RPAP1: variants seen among roughly 807,000 people sequenced by gnomAD.
RPAP1 encodes RNA polymerase II-associated protein 1.
Under a neutral mutation model 142.4 loss-of-function variants are expected in RPAP1, and 109 were observed. The observed-to-expected ratio is 0.77, with a 90% confidence interval of 0.66 to 0.90. The LOEUF is 0.90. Ranked by LOEUF, RPAP1 falls within the 40% of genes least tolerant of loss-of-function variation. The probability of loss-of-function intolerance (pLI) is 0.00; values close to 1 mark genes in which losing one functional copy is unlikely to be tolerated. For synonymous variants in RPAP1, 704 were observed against 738.9 expected (o/e 0.95, Z 0.77); for missense variants, 1,546 against 1,751.7 (o/e 0.88, Z 2.10).
At chr15:41,536,453 C>T (rs772781230) in intron 3 of RPAP1, 48 bp downstream of exon 3, 2 of 1,604,756 alleles carry the variant, frequency 1.2e-6, no homozygotes, top group Non-Finnish European at 1.7e-6. Context: ...ATCCAATATC[C>T]CTGTTGCCCT....
chr15:41,541,519 G>C (rs2051972036), intron 1 of RPAP1, among the ~76,000 whole-genome samples: 1 of 151,990 alleles, frequency 6.6e-6, no homozygotes, highest in Non-Finnish European at 1.5e-5. Flanking sequence ...ATGAGATGGA[G>C]AGGTAGACAA....
At chr15:41,519,428 C>A (rs1274312279) in intron 22 of RPAP1, among the ~76,000 whole-genome samples, 1 of 151,820 alleles carries the variant, frequency 6.6e-6, no homozygotes, top group Non-Finnish European at 1.5e-5. Context: ...CCAGGCTGGT[C>A]TCAAACTCTT....
intron 6 of RPAP1, 51 bp from the exon 7 acceptor site, chr15:41,531,253 C>A: frequency 6.5e-7 from 1 of 1,543,214 alleles, no homozygotes; most frequent in Non-Finnish European, 8.9e-7. Flanking sequence ...CCTCCCTGGC[C>A]TCCTACAGAC....
intron 21 of RPAP1, 103 bp from the exon 22 acceptor site, chr15:41,521,250 T>C: frequency 1.7e-6 from 2 of 1,151,628 alleles, no homozygotes; most frequent in Non-Finnish European, 2.4e-6. Flanking sequence ...TCCAGACCTG[T>C]GCCTCTCTGC....
Position 41,536,055 on chromosome 15 carries a change from C to A in RPAP1, c.420+74G>T. 5.4e-6 allele frequency: 6 copies of A among 1,103,670 alleles called. No individual in the cohort carries two copies. In the South Asian group the frequency reaches 7.9e-5, roughly 15 times the overall value. 68.4% of individuals were successfully genotyped at this position (1,103,670 alleles called of 1,614,324 possible). Reference sequence around the variant, plus strand: ...AAATTGCTTATCATCATTAAAACTACCTGCCTGGAGAAGATGCACTATGAG... The same window carrying A: ...AAATTGCTTATCATCATTAAAACTAACTGCCTGGAGAAGATGCACTATGAG... On this transcript the variant is annotated intron_variant, in intron 4 of 24. Transcript: ENST00000304330.
chr15:41,523,252 A>G lies in RPAP1; in HGVS notation c.2539T>C (p.Ser847Pro). 1 of 1,592,180 alleles carries G rather than the reference A, an allele frequency of 6.3e-7. No individual in the cohort carries two copies. The highest frequency in any genetic ancestry group is 2.2e-5 in the East Asian group (1 of 44,524). ...ACCAAACACAGTACATACCTAAGGGAATCCCACAGGCTGCCCAGTGTGGGC... is the reference window on the plus strand; with the variant it reads ...ACCAAACACAGTACATACCTAAGGGGATCCCACAGGCTGCCCAGTGTGGGC... ...SQPTLGSLWDSLRHCSLLCNP... is the reference protein window; with the variant it reads ...SQPTLGSLWDPLRHCSLLCNP... Residue 847 changes from serine (S) to proline (P), a missense_variant, in exon 18 of 25, where the codon TCC becomes CCC. Physicochemically the swap from Ser to Pro is moderately conservative, Grantham distance 74. Transcript: ENST00000304330.
Position 41,531,107 on chromosome 15 carries a change from C to T in RPAP1, c.859G>A (p.Ala287Thr). The change falls in exon 7 of 25, where the codon GCT (alanine) becomes ACT (threonine). Residue 287 changes from alanine (A) to threonine (T), a missense_variant. By Grantham distance (58) the Ala-to-Thr change is moderately conservative. This residue lies in a region of RPAP1 where 1,333 missense variants were observed against 1,486.6 expected (regional missense o/e 0.90). Transcript: ENST00000304330. ...AGGGGTTCCTCCTTGGTGACATTAG[C>T]AGAGGGTCCTCCTGGCCTCTGCTCC... Reference protein sequence around the residue: ...SEEQRPGGPSANVTKEEPLMS... With the variant: ...SEEQRPGGPSTNVTKEEPLMS... The T allele has an allele frequency of 6.2e-7, 1 of 1,614,016 alleles. No individual in the cohort carries two copies. Among genetic ancestry groups the T allele is most frequent in the African/African-American group, 1.3e-5 (1 of 75,018 alleles).
In RPAP1 at chr15:41,523,767, T is replaced by G; in HGVS notation, c.2436+4A>C. 1 of 1,591,170 alleles carries G rather than the reference T, an allele frequency of 6.3e-7. No homozygotes were observed. Among genetic ancestry groups the G allele is most frequent in the Non-Finnish European group, 8.5e-7 (1 of 1,169,644 alleles). On this transcript the variant is annotated splice_donor_region_variant and intron_variant, in intron 17 of 24. Coordinates refer to ENST00000304330, the MANE Select transcript of RPAP1 (RefSeq NM_015540.4). The stretch of plus-strand genomic sequence containing the variant: ...CTGGTGGACAGCCGGCAGGAGGCAC[T>G]CACTTGCTGGCTCCAGGCCTGGTAG...
chr15:41,530,584 T>G (rs1386355191), intron 7 of RPAP1, among the ~76,000 whole-genome samples: 1 of 152,256 alleles, frequency 6.6e-6, no homozygotes, highest in Non-Finnish European at 1.5e-5. Flanking sequence ...CTGGCCTCTC[T>G]GCTTCTGGTC....
At chr15:41,536,725 C>A in intron 2 of RPAP1, 76 bp from the exon 3 acceptor site, 1 of 1,547,596 alleles carries the variant, frequency 6.5e-7, no homozygotes, top group Non-Finnish European at 8.7e-7. Flanking sequence ...GGAAGAAAGA[C>A]AGCTGCCATG....
rs770740800 is a variant in RPAP1 at position 41,520,581 on chromosome 15, G to C, written c.3605C>G (p.Pro1202Arg). Residue 1202 changes from proline to arginine, a missense_variant, in exon 22 of 25, where the codon CCT becomes CGT. Coordinates refer to ENST00000304330, the MANE Select transcript of RPAP1 (RefSeq NM_015540.4). ...GAGGTCAGGGAAAGACGTCAGGCCA[G>C]GGAGTCGGCAGTCCAGGTTGAGGTT... Reference protein sequence around the residue: ...LPNLNLDCRLPGLTSFPDLYA... With the variant: ...LPNLNLDCRLRGLTSFPDLYA... 6.2e-7 allele frequency: 1 copy of C among 1,614,246 alleles called. No individual in the cohort carries two copies. The highest frequency in any genetic ancestry group is 8.5e-7 in the Non-Finnish European group (1 of 1,180,044).
chr15:41,524,619 G>A (rs2051769767), intron 15 of RPAP1, among the ~76,000 whole-genome samples: 1 of 151,984 alleles, frequency 6.6e-6, no homozygotes, highest in African/African-American at 2.4e-5. Flanking sequence ...GGGATTACAG[G>A]TGTGTGCCAC....
intron 4 of RPAP1, 121 bp from the exon 5 acceptor site, chr15:41,535,753 T>A: frequency 1.5e-6 from 2 of 1,373,848 alleles, no homozygotes; most frequent in Non-Finnish European, 2.0e-6. Flanking sequence ...TTTCCAGGGA[T>A]CACAACCCTA....
chr15:41,536,818 G>C (rs986696022), intron 2 of RPAP1, 127 bp downstream of exon 2: 3 of 1,379,784 alleles, frequency 2.2e-6, no homozygotes, highest in Non-Finnish European at 3.0e-6. Flanking sequence ...AAATGGGGCT[G>C]CAGAAACACA....
intron 8 of RPAP1, 61 bp from the exon 9 acceptor site, chr15:41,529,629 C>A: frequency 8.2e-7 from 1 of 1,216,322 alleles, no homozygotes; most frequent in South Asian, 1.3e-5. Flanking sequence ...CACACCCACT[C>A]CCCACCTTTA....
rs377151806 is a variant in RPAP1, at chr15:41,520,863, C to A, written c.3323G>T (p.Arg1108Leu). 1.2e-6 allele frequency: 2 copies of A among 1,613,796 alleles called. No individual in the cohort carries two copies. The highest frequency in any genetic ancestry group is 1.7e-6 in the Non-Finnish European group (2 of 1,180,022). The change falls in exon 22 of 25, where the codon CGC becomes CTC. Residue 1108 changes from arginine (R) to leucine (L), a missense_variant. Physicochemically the swap from Arg to Leu is moderately radical, Grantham distance 102. Coordinates refer to ENST00000304330, the MANE Select transcript of RPAP1 (RefSeq NM_015540.4). The stretch of plus-strand genomic sequence containing the variant: ...GGTGTCTGAAGCCCGGTGGTAGAGG[C>A]GAATCAGTGGCAGGAAGGGCCAGTC... Reference protein sequence around the residue: ...PTDWPFLPLIRLYHRASDTPS... With the variant: ...PTDWPFLPLILLYHRASDTPS...
chr15:41,519,013 CCTGAGTAA>C (rs1450242421), intron 22 of RPAP1, among the ~76,000 whole-genome samples: 1 of 152,106 alleles, frequency 6.6e-6, no homozygotes, highest in Non-Finnish European at 1.5e-5. Flanking sequence ...GCCTCAGGCT[CCTGAGTAA>C]CTGGGTCTAC....
chr15:41,521,924 G>T, intron 20 of RPAP1, 44 bp from the exon 21 acceptor site: 1 of 1,600,816 alleles, frequency 6.2e-7, no homozygotes, highest in African/African-American at 1.3e-5. Flanking sequence ...AGGAGAAGGG[G>T]ACGTGGCAGA....
At chr15:41,538,797 A>C (rs2051941217) in intron 1 of RPAP1, among the ~76,000 whole-genome samples, 1 of 152,238 alleles carries the variant, frequency 6.6e-6, no homozygotes, top group South Asian at 2.1e-4. Context: ...ATTTGTCAAC[A>C]AAAAGGAATG....
Sources: gnomAD v4.1 joint callset for allele counts (sites outside exome capture counted in the v4.1 genomes callset) on GRCh38, gnomAD v4.1.1 for gene constraint, gnomAD v4.1.1 regional missense constraint, MANE v1.5 for transcripts, NCBI Gene and HGNC (gene_info 2026-07-23, HGNC 2026-07-21) for gene names.